Variants in POC1A observed in about 807,000 individuals in gnomAD.
POC1A encodes the protein POC1 centriolar protein A.
In POC1A, 34 loss-of-function variants were observed where a neutral mutation model predicts 47.8. That is an observed-to-expected ratio of 0.71 (90% CI 0.54 to 0.95). The LOEUF is 0.95. Ranked by LOEUF, POC1A falls within the 40% of genes least tolerant of loss-of-function variation. The probability of loss-of-function intolerance (pLI) is 0.00; values close to 1 mark genes in which losing one functional copy is unlikely to be tolerated. For missense variants in POC1A, 466 were observed against 528.3 expected, an observed-to-expected ratio of 0.88 and a Z score of 1.16; for synonymous variants, 177 against 207.6, an observed-to-expected ratio of 0.85 and a Z score of 1.27.
At chr3:52,138,040 T>C (rs1173848948) in intron 7 of POC1A, 129 bp downstream of exon 7, 2 of 982,656 alleles carry the variant, frequency 2.0e-6, no homozygotes, top group East Asian at 5.1e-5. Context: ...CCAGGTCACA[T>C]GGAAATGCCT....
At chr3:52,151,125 T>A in intron 1 of POC1A, 25 bp from the exon 2 acceptor site, 12 of 1,613,144 alleles carry the variant, frequency 7.4e-6, no homozygotes, top group Non-Finnish European at 1.0e-5. Context: ...GGGTCAAATG[T>A]GTGAAGCCTG....
At chr3:52,125,245 G>T in intron 7 of POC1A, 64 bp from the exon 8 acceptor site, 1 of 1,308,514 alleles carries the variant, frequency 7.6e-7, no homozygotes, top group South Asian at 1.2e-5. Flanking sequence ...TGCACAGGAA[G>T]AAAACGAGAC....
At chr3:52,137,999 A>G (rs1704536967) in intron 7 of POC1A, among the ~76,000 whole-genome samples, 170 bp downstream of exon 7, 1 of 152,108 alleles carries the variant, frequency 6.6e-6, no homozygotes, top group South Asian at 2.1e-4. Flanking sequence ...TACCCTTCTC[A>G]GCTGCACCAG....
intron 9 of POC1A, among the ~76,000 whole-genome samples, chr3:52,117,048 C>T (rs1276855443): frequency 6.6e-6 from 1 of 152,036 alleles, no homozygotes; most frequent in Admixed American, 6.6e-5. Context: ...TTTAGCCAGG[C>T]GTGGAGGTGC....
chr3:52,133,826 G>A (rs1378617584), intron 7 of POC1A, among the ~76,000 whole-genome samples: 1 of 152,204 alleles, frequency 6.6e-6, no homozygotes, highest in East Asian at 1.9e-4. Flanking sequence ...CCCAGGTCAA[G>A]GTCTGCCTCA....
chr3:52,085,555 C>T (rs538340374), intron 10 of POC1A, among the ~76,000 whole-genome samples: 1 of 152,042 alleles, frequency 6.6e-6, no homozygotes, highest in South Asian at 2.1e-4. Flanking sequence ...CACTCTCCTA[C>T]CCTAGGAGCC....
intron 2 of POC1A, among the ~76,000 whole-genome samples, chr3:52,150,625 C>T (rs372490270): frequency 6.6e-6 from 1 of 152,218 alleles, no homozygotes; most frequent in Non-Finnish European, 1.5e-5. Context: ...TTCTCACTGA[C>T]AAGGCTCTTC....
intron 9 of POC1A, among the ~76,000 whole-genome samples, chr3:52,097,577 C>T (rs550996560): frequency 3.0e-4 from 46 of 152,206 alleles, no homozygotes; most frequent in Admixed American, 7.2e-4. Context: ...CCTGCAGTTC[C>T]TCTGTGGACT....
intron 9 of POC1A, among the ~76,000 whole-genome samples, chr3:52,105,605 A>AT (rs1444596378): frequency 1.3e-5 from 2 of 152,334 alleles, no homozygotes; most frequent in African/African-American, 4.8e-5. Context: ...TTCACCACAC[A>AT]TATCTGCAGA....
At chr3:52,131,420 T>C (rs967077127) in intron 7 of POC1A, among the ~76,000 whole-genome samples, 2 of 152,152 alleles carry the variant, frequency 1.3e-5, no homozygotes, top group South Asian at 2.1e-4. Context: ...CCCAAGTCTG[T>C]ATGACATCCA....
intron 2 of POC1A, 111 bp downstream of exon 2, chr3:52,150,905 G>C (rs1698533674): frequency 3.2e-6 from 3 of 931,604 alleles, no homozygotes; most frequent in African/African-American, 1.6e-5. Flanking sequence ...AGCAGGTCTA[G>C]ACAAAGCTGT....
intron 6 of POC1A, among the ~76,000 whole-genome samples, chr3:52,145,304 G>C (rs142375379): frequency 6.6e-6 from 1 of 152,132 alleles, no homozygotes; most frequent in Non-Finnish European, 1.5e-5. Context: ...GCCTTCCAAG[G>C]GCTACCATCC....
intron 6 of POC1A, among the ~76,000 whole-genome samples, chr3:52,140,685 A>G (rs1442541549): frequency 6.6e-6 from 1 of 152,242 alleles, no homozygotes; most frequent in East Asian, 1.9e-4. Context: ...CTGGCCTGGC[A>G]TACCAGGCTT....
intron 7 of POC1A, among the ~76,000 whole-genome samples, chr3:52,132,179 A>G (rs1704237942): frequency 6.6e-6 from 1 of 152,096 alleles, no homozygotes; most frequent in South Asian, 2.1e-4. Context: ...AAGAAAAGAG[A>G]CTCAGCAAAG....
At chr3:52,076,116 G>A (rs1702106522) in intron 10 of POC1A, 131 bp from the exon 11 acceptor site, 5 of 673,170 alleles carry the variant, frequency 7.4e-6, no homozygotes, top group African/African-American at 7.1e-5. Flanking sequence ...CCACCCAGGG[G>A]TTCTGCCAGG....
intron 7 of POC1A, among the ~76,000 whole-genome samples, chr3:52,129,137 G>C (rs893837120): frequency 6.6e-6 from 1 of 152,068 alleles, no homozygotes; most frequent in African/African-American, 2.4e-5. Flanking sequence ...AAATTAGCCA[G>C]GGGCGGTGGC....
In POC1A at chr3:52,116,248, T is replaced by C. The variant is rs115659850; in HGVS notation, c.981+6131A>G. Reference sequence around the variant, plus strand: ...CAAATCCCTAAGTGAAGCCCACCCCTGTGGCAGTGCCCCAAAAATGGAAAT... The same window carrying C: ...CAAATCCCTAAGTGAAGCCCACCCCCGTGGCAGTGCCCCAAAAATGGAAAT... On this transcript the variant is annotated intron_variant, in intron 9 of 10. Coordinates refer to ENST00000296484, the MANE Select transcript of POC1A (RefSeq NM_015426.5). Among the ~76,000 whole-genome samples, 1,051 of 152,294 alleles carry C rather than the reference T, an allele frequency of 6.9e-3. 15 individuals are homozygous for C. Among genetic ancestry groups the C allele is most frequent in the African/African-American group, 0.024 (1,001 of 41,568 alleles).
chr3:52,096,455 T>G, intron 10 of POC1A, 114 bp downstream of exon 10: 1 of 908,714 alleles, frequency 1.1e-6, no homozygotes, highest in Non-Finnish European at 1.6e-6. Context: ...GGAAAACAGG[T>G]CCGTTATAAT....
intron 9 of POC1A, among the ~76,000 whole-genome samples, chr3:52,108,278 G>C (rs927110616): frequency 6.6e-6 from 1 of 152,204 alleles, no homozygotes; most frequent in Non-Finnish European, 1.5e-5. Flanking sequence ...ATTTTTGAAA[G>C]GGAATGTGTT....
Sources: gnomAD v4.1 joint callset for allele counts (sites outside exome capture counted in the v4.1 genomes callset) on GRCh38, gnomAD v4.1.1 for gene constraint, MANE v1.5 for transcripts, NCBI Gene and HGNC (gene_info 2026-07-23, HGNC 2026-07-21) for gene names.